Variants in GABRR1 observed in about 807,000 individuals in gnomAD.
GABRR1 encodes gamma-aminobutyric acid type A receptor subunit rho1, also known as gamma-aminobutyric acid receptor subunit rho-1.
Under a neutral mutation model 55.5 loss-of-function variants are expected in GABRR1, and 59 were observed. The ratio of observed to expected loss-of-function variants is 1.06; its 90% CI spans 0.86 to 1.32. GABRR1 has a LOEUF of 1.32. GABRR1 is among the 40% of genes most tolerant of loss of function. The probability of loss-of-function intolerance (pLI) is 0.00; values close to 1 mark genes in which losing one functional copy is unlikely to be tolerated. For missense variants in GABRR1, 602 were observed against 619.1 expected (o/e 0.97, Z 0.29); for synonymous variants, 213 against 226.0 (o/e 0.94, Z 0.51).
Position 89,188,376 on chromosome 6 carries a change from A to G in GABRR1, c.655+1789T>C, listed in dbSNP as rs79002942. Among the ~76,000 whole-genome samples the G allele has an allele frequency of 7.5e-3, 1,138 of 152,202 alleles. 16 individuals are homozygous for G. The highest frequency in any genetic ancestry group is 0.026 in the African/African-American group (1,085 of 41,528). On this transcript the variant is annotated intron_variant, in intron 6 of 9. Coordinates refer to ENST00000454853, the MANE Select transcript of GABRR1 (RefSeq NM_002042.5). ...TTCCCCAGTGGCTGCACCATTATAC[A>G]TTACTACCCACAAAGGATAAGGGTT...
At chr6:89,229,145 C>A (rs1368240014) in intron 1 of GABRR1, among the ~76,000 whole-genome samples, 1 of 152,016 alleles carries the variant, frequency 6.6e-6, no homozygotes, top group Admixed American at 6.5e-5. Context: ...TTGTTTTGAG[C>A]CTATGTGTGT....
At position 89,198,158 on chromosome 6, in the gene GABRR1, A is replaced by G. The variant is rs746640885; in HGVS notation, c.434T>C (p.Phe145Ser). Residue 145 changes from phenylalanine (F) to serine (S), a missense_variant, in exon 5 of 10, where the codon TTT becomes TCT. Transcript: ENST00000454853. ...FPSTNNLSMT[F>S]DGRLVKKIWV... ...GATCTTCTTGACCAGCCGGCCGTCA[A>G]ACGTCATGCTGAGGTTGTTGGTGCT... The G allele has an allele frequency of 1.7e-5, 27 of 1,614,032 alleles. No homozygotes were observed. Among genetic ancestry groups the G allele is most frequent in the Non-Finnish European group, 2.2e-5 (26 of 1,180,054 alleles).
At chr6:89,191,350 C>G (rs1452743045) in intron 5 of GABRR1, among the ~76,000 whole-genome samples, 4 of 152,176 alleles carry the variant, frequency 2.6e-5, no homozygotes, top group African/African-American at 9.7e-5. Flanking sequence ...GTTTCCATTT[C>G]TATGGGTACA....
chr6:89,179,223 T>G (rs45459495), intron 9 of GABRR1, among the ~76,000 whole-genome samples, 160 bp from the exon 10 acceptor site: 194 of 151,938 alleles, frequency 1.3e-3, no homozygotes, highest in African/African-American at 2.4e-3. Context: ...TTTTGTTTTT[T>G]TTTTGGGGGG....
At chr6:89,189,949 G>A (rs1228088772) in intron 6 of GABRR1, among the ~76,000 whole-genome samples, 1 of 152,136 alleles carries the variant, frequency 6.6e-6, no homozygotes, top group Non-Finnish European at 1.5e-5. Context: ...GGGAGGCTGA[G>A]GCAGGAGAAT....
intron 5 of GABRR1, among the ~76,000 whole-genome samples, chr6:89,195,582 T>C (rs563649343): frequency 5.3e-5 from 8 of 152,266 alleles, no homozygotes; most frequent in Admixed American, 2.0e-4. Flanking sequence ...CATCCAAGAA[T>C]ATTATATCCA....
intron 5 of GABRR1, among the ~76,000 whole-genome samples, chr6:89,194,286 A>G (rs1299715084): frequency 6.6e-6 from 1 of 151,970 alleles, no homozygotes; most frequent in African/African-American, 2.4e-5. Flanking sequence ...TCCCTTCAGG[A>G]CCTCCCCCAT....
chr6:89,199,911 G>A (rs752876282), intron 3 of GABRR1, among the ~76,000 whole-genome samples: 1 of 152,186 alleles, frequency 6.6e-6, no homozygotes, highest in Non-Finnish European at 1.5e-5. Flanking sequence ...TGATGGAGTA[G>A]CTTCCAGGGA....
intron 7 of GABRR1, among the ~76,000 whole-genome samples, chr6:89,184,761 G>C (rs777923205): frequency 6.6e-6 from 1 of 152,024 alleles, no homozygotes; most frequent in African/African-American, 2.4e-5. Context: ...TATGTTTTAA[G>C]TTCTTACTAA....
At chr6:89,204,786 A>T in intron 1 of GABRR1, 1 of 510,614 alleles carries the variant, frequency 2.0e-6, no homozygotes, top group South Asian at 2.6e-5. Context: ...TTACATGCCC[A>T]TGTAAAAAAA....
intron 1 of GABRR1, among the ~76,000 whole-genome samples, chr6:89,224,823 C>T (rs1243264439): frequency 2.0e-5 from 3 of 152,090 alleles, no homozygotes; most frequent in African/African-American, 7.2e-5. Flanking sequence ...TGCTCTGTCA[C>T]CCAGGCTGGA....
At chr6:89,216,611 G>T (rs1395034613) in intron 1 of GABRR1, among the ~76,000 whole-genome samples, 1 of 152,184 alleles carries the variant, frequency 6.6e-6, no homozygotes, top group East Asian at 1.9e-4. Flanking sequence ...GCAAGTGCTG[G>T]CAGACAGGGC....
At chr6:89,206,007 C>T (rs574686415) in intron 1 of GABRR1, among the ~76,000 whole-genome samples, 2 of 151,536 alleles carry the variant, frequency 1.3e-5, no homozygotes, top group African/African-American at 4.9e-5. Context: ...TGCATAAAGG[C>T]CACGAAAGGC....
chr6:89,192,094 T>C (rs1183803524), intron 5 of GABRR1, among the ~76,000 whole-genome samples: 2 of 151,752 alleles, frequency 1.3e-5, no homozygotes, highest in Admixed American at 6.6e-5. Context: ...TTTCTGCCTA[T>C]CTCCGATCTC....
chr6:89,178,895 TC>T lies in GABRR1; in HGVS notation c.1314del (p.Ser440ValfsTer7). 6.2e-7 allele frequency: 1 copy of T among 1,614,226 alleles called. No individual in the cohort carries two copies. The highest frequency in any genetic ancestry group is 8.5e-7 in the Non-Finnish European group (1 of 1,180,036). Reference sequence around the variant, plus strand: ...CTCACATAGCTGCTTCTCTGACTTTTCCTCTGTGGGGAGCTCCTCTCTGAGG... The same window carrying T: ...CTCACATAGCTGCTTCTCTGACTTTTCTCTGTGGGGAGCTCCTCTCTGAGG... The part of the protein sequence containing the change: ...TLASERSSPQ[R>X]KSQRSSYVSM... On this transcript the variant is annotated frameshift_variant, in exon 10 of 10. Coordinates refer to ENST00000454853, the MANE Select transcript of GABRR1 (RefSeq NM_002042.5). LOFTEE classifies it high-confidence loss of function.
At chr6:89,217,529 AT>A (rs1187424078), upstream of GABRR1, 14 of 470,066 alleles carry the variant, frequency 3.0e-5, no homozygotes, top group African/African-American at 2.6e-4. Flanking sequence ...GATGTCAGGG[AT>A]TTTCTGAACT....
chr6:89,215,780 C>T (rs1235225670), intron 1 of GABRR1, among the ~76,000 whole-genome samples: 1 of 151,786 alleles, frequency 6.6e-6, no homozygotes, highest in African/African-American at 2.4e-5. Flanking sequence ...TTGTATGTAC[C>T]CCATTAATAT....
intron 6 of GABRR1, among the ~76,000 whole-genome samples, chr6:89,186,763 T>A (rs1031514631): frequency 7.9e-5 from 12 of 152,162 alleles, no homozygotes; most frequent in African/African-American, 2.4e-5. Flanking sequence ...TTCTTCAGGG[T>A]CTTGTGAGGG....
intron 3 of GABRR1, among the ~76,000 whole-genome samples, chr6:89,200,070 G>A (rs2127799556): frequency 1.3e-5 from 2 of 152,180 alleles, no homozygotes; most frequent in Middle Eastern, 6.8e-3. Flanking sequence ...GATGCTCTGA[G>A]GATGAAGGGC....
Sources: allele counts gnomAD v4.1 joint callset (sites outside exome capture counted in the v4.1 genomes callset), GRCh38; gene constraint gnomAD v4.1.1; transcripts MANE v1.5; gene names NCBI Gene and HGNC (gene_info 2026-07-23, HGNC 2026-07-21).